FBXO42: variants seen among roughly 807,000 people sequenced by gnomAD.
The protein encoded by FBXO42 is F-box protein 42, also known as F-box only protein 42.
FBXO42 carries 12 observed loss-of-function variants against 71.7 expected under a neutral mutation model. The observed-to-expected ratio is 0.17, with a 90% CI of 0.11 to 0.27. The LOEUF (loss-of-function observed/expected upper bound fraction) is 0.27. Ranked by LOEUF, FBXO42 falls within the 10% of genes least tolerant of loss-of-function variation. The pLI is 1.00. For synonymous variants in FBXO42, 325 were observed against 327.5 expected, an observed-to-expected ratio of 0.99 and a Z score of 0.08; for missense variants, 707 against 911.9, an observed-to-expected ratio of 0.78 and a Z score of 2.89.
chr1:16,347,774 G>C (rs769338733), intron 1 of FBXO42, among the ~76,000 whole-genome samples: 14 of 152,102 alleles, frequency 9.2e-5, no homozygotes, highest in Non-Finnish European at 1.9e-4. Context: ...CAGATCACGA[G>C]GTCTGGAAAT....
chr1:16,263,873 C>T (rs1217342212), intron 4 of FBXO42, among the ~76,000 whole-genome samples: 1 of 145,848 alleles, frequency 6.9e-6, no homozygotes, highest in Non-Finnish European at 1.5e-5. Context: ...TGCGATGGCA[C>T]AATCTTGGCT....
rs1036020799 is a variant in FBXO42 at position 16,352,343 on chromosome 1, G to A, written c.-106C>T. 5.0e-6 allele frequency: 2 copies of A among 397,992 alleles called. No homozygotes were observed. The highest frequency in any genetic ancestry group is 2.1e-5 in the African/African-American group (1 of 48,726). The allele number at this position is 397,992 out of a possible 1,614,324, so 24.7% of individuals were successfully genotyped here. A position where few individuals can be genotyped will look rare whatever the true frequency, so the allele number is the denominator to read the frequency against. On this transcript the variant is annotated 5_prime_UTR_variant, in exon 1 of 10. Coordinates refer to ENST00000375592, the MANE Select transcript of FBXO42 (RefSeq NM_018994.3). The stretch of plus-strand genomic sequence containing the variant: ...GACAGGGCCAGAGCAGAGGCGCTCT[G>A]CCTCAGGCCGCGACAGCCGTGCTCG...
chr1:16,281,589 C>T (rs2081964636), intron 4 of FBXO42, among the ~76,000 whole-genome samples: 1 of 151,304 alleles, frequency 6.6e-6, no homozygotes, highest in Non-Finnish European at 1.5e-5. Context: ...GTGCCTCGGA[C>T]TCTTGAGTAG....
At chr1:16,351,642 G>A (rs892233679) in intron 1 of FBXO42, among the ~76,000 whole-genome samples, 5 of 151,956 alleles carry the variant, frequency 3.3e-5, no homozygotes, top group African/African-American at 1.2e-4. Context: ...ACCCTCCACC[G>A]TTCCCTTTGC....
At chr1:16,296,885 C>T (rs1322231622) in intron 3 of FBXO42, among the ~76,000 whole-genome samples, 1 of 151,334 alleles carries the variant, frequency 6.6e-6, no homozygotes, top group Non-Finnish European at 1.5e-5. Flanking sequence ...CTCTGTGATA[C>T]ACACTATACT....
At chr1:16,352,226 T>G in intron 1 of FBXO42, 29 bp downstream of exon 1, 1 of 394,142 alleles carries the variant, frequency 2.5e-6, no homozygotes, top group Non-Finnish European at 4.5e-6. Flanking sequence ...GGCTCCCCTC[T>G]GCGGCCCGGG....
intron 1 of FBXO42, among the ~76,000 whole-genome samples, chr1:16,349,583 G>A (rs72638015): frequency 0.18 from 26,858 of 152,242 alleles, 2,709 homozygotes; most frequent in Non-Finnish European, 0.22. Flanking sequence ...ATTCAGGGCC[G>A]GGCGCAGTGG....
chr1:16,310,674 T>C (rs777330939), intron 2 of FBXO42, among the ~76,000 whole-genome samples: 65 of 152,256 alleles, frequency 4.3e-4, no homozygotes, highest in Non-Finnish European at 7.1e-4. Flanking sequence ...GACAGTTATA[T>C]AGAATATCCA....
At chr1:16,258,013 T>C (rs112146372) in intron 4 of FBXO42, among the ~76,000 whole-genome samples, 1 of 152,192 alleles carries the variant, frequency 6.6e-6, no homozygotes, top group Admixed American at 6.5e-5. Flanking sequence ...TCTTTTTTTT[T>C]TCTTTTTGGT....
intron 1 of FBXO42, among the ~76,000 whole-genome samples, chr1:16,351,666 G>A (rs1483584864): frequency 6.6e-6 from 1 of 151,984 alleles, no homozygotes; most frequent in African/African-American, 2.4e-5. Flanking sequence ...CACAATTCTC[G>A]CCAAGAGAAG....
At chr1:16,345,471 T>C (rs1487805867) in intron 1 of FBXO42, among the ~76,000 whole-genome samples, 1 of 151,978 alleles carries the variant, frequency 6.6e-6, no homozygotes, top group African/African-American at 2.4e-5. Context: ...TTGTGACTAC[T>C]GAAAGGACCT....
intron 7 of FBXO42, 138 bp downstream of exon 7, chr1:16,253,497 A>C: frequency 1.4e-6 from 1 of 699,908 alleles, no homozygotes; most frequent in Non-Finnish European, 2.4e-6. Context: ...GTTGAAAAAT[A>C]AATACCAGTA....
intron 3 of FBXO42, among the ~76,000 whole-genome samples, chr1:16,305,351 A>G (rs1238614992): frequency 6.6e-6 from 1 of 152,196 alleles, no homozygotes; most frequent in African/African-American, 2.4e-5. Context: ...TCACACCACC[A>G]TATCACAGCC....
At chr1:16,315,889 G>C (rs540358420) in intron 1 of FBXO42, among the ~76,000 whole-genome samples, 6 of 152,076 alleles carry the variant, frequency 3.9e-5, no homozygotes, top group African/African-American at 1.4e-4. Context: ...ACCGTTTTTC[G>C]ACCAGGCATG....
intron 1 of FBXO42, among the ~76,000 whole-genome samples, chr1:16,322,112 T>G (rs913879336): frequency 2.6e-5 from 4 of 152,162 alleles, no homozygotes; most frequent in Non-Finnish European, 5.9e-5. Context: ...AAATGGTAGA[T>G]CCTACCTTTA....
At chr1:16,291,529 T>A (rs1205083684) in intron 4 of FBXO42, among the ~76,000 whole-genome samples, 1 of 152,100 alleles carries the variant, frequency 6.6e-6, no homozygotes, top group Non-Finnish European at 1.5e-5. Context: ...TACAGGCACA[T>A]GCCACCATGC....
intron 3 of FBXO42, among the ~76,000 whole-genome samples, chr1:16,295,675 G>A (rs992097164): frequency 2.0e-5 from 3 of 152,290 alleles, no homozygotes; most frequent in African/African-American, 4.8e-5. Flanking sequence ...TTACAGGCAT[G>A]AGCCACCATG....
intron 1 of FBXO42, among the ~76,000 whole-genome samples, chr1:16,323,704 C>A (rs113060180): frequency 0.026 from 3,863 of 149,792 alleles, 140 homozygotes; most frequent in African/African-American, 0.091. Context: ...GCAGGAGAAT[C>A]CCTTGAACCC....
Position 16,252,094 on chromosome 1 carries a change from C to A in FBXO42, c.1038+194G>T, listed in dbSNP as rs1246823760. On this transcript the variant is annotated intron_variant, in intron 9 of 9. Coordinates refer to ENST00000375592, the MANE Select transcript of FBXO42 (RefSeq NM_018994.3). This position sits in a 1 kb window ranked among gnomAD's most constrained non-coding sequence, Gnocchi z 4.4. ...AACAGATGCTTAAAGTTGGGACTTA[C>A]TGAATGAGTAGGGCCCCTGTAAGTT... 6.6e-6 allele frequency among the ~76,000 whole-genome samples: 1 copy of A among 152,186 alleles called. No homozygotes were observed.
Sources: allele counts gnomAD v4.1 joint callset (sites outside exome capture counted in the v4.1 genomes callset), GRCh38; gene constraint gnomAD v4.1.1; non-coding constraint Gnocchi (gnomAD v3.1); transcripts MANE v1.5; gene names NCBI Gene and HGNC (gene_info 2026-07-23, HGNC 2026-07-21).